NOL4: variants seen among roughly 807,000 people sequenced by gnomAD.
NOL4 encodes the protein cancer/testis antigen 125.
A neutral mutation model predicts 75.9 loss-of-function variants in NOL4; 17 were observed. That is an observed-to-expected ratio of 0.22 (90% CI 0.15 to 0.34). NOL4 has a LOEUF of 0.34. Among genes scored for constraint, NOL4 ranks in the 10% least tolerant of loss-of-function variants. NOL4 has a pLI of 1.00. For missense variants in NOL4, 614 were observed against 793.5 expected, an observed-to-expected ratio of 0.77 and a Z score of 2.72; for synonymous variants, 292 against 289.9, an observed-to-expected ratio of 1.01 and a Z score of -0.07.
At chr18:34,008,088 A>T (rs1343447614) in intron 6 of NOL4, among the ~76,000 whole-genome samples, 5 of 152,010 alleles carry the variant, frequency 3.3e-5, no homozygotes, top group Non-Finnish European at 5.9e-5. Flanking sequence ...TTGAGGGCCC[A>T]AATAAAAGAA....
chr18:33,868,217 T>C (rs1422171443), intron 10 of NOL4, among the ~76,000 whole-genome samples: 2 of 151,732 alleles, frequency 1.3e-5, no homozygotes, highest in Non-Finnish European at 2.9e-5. Context: ...GGTAATTTTT[T>C]TTTTTTTTCA....
intron 1 of NOL4, among the ~76,000 whole-genome samples, chr18:34,140,746 C>T (rs529241127): frequency 5.3e-4 from 80 of 152,174 alleles, no homozygotes; most frequent in African/African-American, 1.8e-3. Flanking sequence ...GTATATTGGT[C>T]GCTAGTTGAT....
At chr18:34,041,071 C>A (rs2076118941) in intron 5 of NOL4, among the ~76,000 whole-genome samples, 1 of 151,880 alleles carries the variant, frequency 6.6e-6, no homozygotes, top group Non-Finnish European at 1.5e-5. Context: ...TCCAATAACA[C>A]ATATTTTGCT....
intron 9 of NOL4, among the ~76,000 whole-genome samples, chr18:33,885,866 C>T (rs2064608506): frequency 6.6e-6 from 1 of 152,126 alleles, no homozygotes; most frequent in Non-Finnish European, 1.5e-5. Context: ...GATGTAGCTG[C>T]ATTCCTATGT....
At chr18:34,209,627 T>C (rs1197520390) in intron 1 of NOL4, among the ~76,000 whole-genome samples, 1 of 152,104 alleles carries the variant, frequency 6.6e-6, no homozygotes, top group Non-Finnish European at 1.5e-5. Flanking sequence ...TATAGACTGG[T>C]TAAAATATAG....
intron 10 of NOL4, among the ~76,000 whole-genome samples, chr18:33,862,641 AT>A (rs1358368194): frequency 6.6e-6 from 1 of 152,260 alleles, no homozygotes; most frequent in Non-Finnish European, 1.5e-5. Flanking sequence ...AAAAGAAGAC[AT>A]TTATGCAGCC....
At chr18:34,093,378 A>C (rs907900667) in intron 5 of NOL4, 87 bp downstream of exon 5, 8 of 1,313,558 alleles carry the variant, frequency 6.1e-6, no homozygotes, top group Non-Finnish European at 8.2e-6. Flanking sequence ...AATTGACACA[A>C]GAATTAAGAG....
At chr18:34,035,750 A>G (rs770306075) in intron 5 of NOL4, among the ~76,000 whole-genome samples, 59 of 152,082 alleles carry the variant, frequency 3.9e-4, no homozygotes, top group Non-Finnish European at 6.9e-4. Context: ...AGAAGAGAAG[A>G]TAGAAGACTC....
At chr18:34,145,760 C>CA (rs1405006280) in intron 1 of NOL4, among the ~76,000 whole-genome samples, 2 of 151,792 alleles carry the variant, frequency 1.3e-5, no homozygotes, top group African/African-American at 2.4e-5. Flanking sequence ...TGAAATACTT[C>CA]AAAAAATTTG....
At position 33,901,591 on chromosome 18, in the gene NOL4, T is replaced by A. The variant is rs540303300; in HGVS notation, c.1543-18167A>T. ...TGAGTCATTTTCAATTAAGAAAGGA[T>A]TTTGATATGGGGAAACACGTTTATA... On this transcript the variant is annotated intron_variant, in intron 9 of 10. Transcript: ENST00000261592. 1.0e-3 allele frequency among the ~76,000 whole-genome samples: 154 copies of A among 152,222 alleles called. 1 individual carries two copies. The highest frequency in any genetic ancestry group is 3.6e-3 in the African/African-American group (150 of 41,572).
intron 2 of NOL4, among the ~76,000 whole-genome samples, chr18:34,113,645 A>C (rs145911666): frequency 9.9e-4 from 151 of 152,258 alleles, no homozygotes; most frequent in African/African-American, 3.5e-3. Context: ...TCTTAAAAAA[A>C]AAAAATTAAA....
chr18:34,130,093 T>C (rs1047016303), intron 1 of NOL4, 73 bp from the exon 2 acceptor site: 4 of 1,348,664 alleles, frequency 3.0e-6, no homozygotes, highest in Non-Finnish European at 3.9e-6. Flanking sequence ...ACAAATTGTT[T>C]AAAACAAAAT....
At chr18:34,040,088 TG>T (rs1006840436) in intron 5 of NOL4, among the ~76,000 whole-genome samples, 5 of 152,108 alleles carry the variant, frequency 3.3e-5, no homozygotes, top group African/African-American at 9.6e-5. Context: ...ATAGGTCTGT[TG>T]GGATGCAATC....
chr18:33,858,980 AC>A (rs2062966071), intron 10 of NOL4, among the ~76,000 whole-genome samples: 1 of 152,018 alleles, frequency 6.6e-6, no homozygotes, highest in African/African-American at 2.4e-5. Context: ...TACTGTTTAA[AC>A]TTTTATTTTT....
At chr18:34,076,336 GCCAGGAGGAACCATTTCTGAC>G (rs1266300164) in intron 5 of NOL4, among the ~76,000 whole-genome samples, 1 of 152,078 alleles carries the variant, frequency 6.6e-6, no homozygotes, top group African/African-American at 2.4e-5. Context: ...ATACGGAGCG[GCCAGGAGGAACCATTTCTGAC>G]ATCCACCAAA....
At chr18:34,059,272 A>T (rs2076971945) in intron 5 of NOL4, among the ~76,000 whole-genome samples, 1 of 151,702 alleles carries the variant, frequency 6.6e-6, no homozygotes, top group Admixed American at 6.6e-5. Context: ...GTTTTGTCTT[A>T]TGCAGCCTTC....
Position 34,099,362 on chromosome 18 carries a change from CA to C in NOL4, c.639+4684del, listed in dbSNP as rs58940650. On this transcript the variant is annotated intron_variant, in intron 4 of 10. Coordinates refer to ENST00000261592, the MANE Select transcript of NOL4 (RefSeq NM_003787.5). ...TAGGCAACAGAGTGAGACTTTGTCT[CA>C]AAAAAAAAAAAAAAGACAACTACGC... 2.1e-3 allele frequency among the ~76,000 whole-genome samples: 170 copies of C among 80,008 alleles called. 3 individuals are homozygous for C. The highest frequency in any genetic ancestry group is 0.015 in the Middle Eastern group (2 of 136). 52.5% of individuals were successfully genotyped at this position (80,008 alleles called of 152,430 possible). A position where few individuals can be genotyped will look rare whatever the true frequency, so the allele number is the denominator to read the frequency against.
chr18:33,916,617 A>G (rs898348318), intron 9 of NOL4, among the ~76,000 whole-genome samples: 30 of 152,192 alleles, frequency 2.0e-4, no homozygotes, highest in African/African-American at 6.8e-4. Context: ...TTAATATCCA[A>G]TGCTTATTTA....
At chr18:33,986,645 G>A (rs1384189278) in intron 6 of NOL4, among the ~76,000 whole-genome samples, 1 of 152,090 alleles carries the variant, frequency 6.6e-6, no homozygotes, top group Non-Finnish European at 1.5e-5. Flanking sequence ...GGGGACTACT[G>A]TAGAGTCACT....
Sources: allele counts gnomAD v4.1 joint callset (sites outside exome capture counted in the v4.1 genomes callset), GRCh38; gene constraint gnomAD v4.1.1; transcripts MANE v1.5; gene names NCBI Gene and HGNC (gene_info 2026-07-23, HGNC 2026-07-21).